The following STIM1 variants were observed in gnomAD, a reference collection of about 807,000 sequenced individuals.
The protein encoded by STIM1 is stromal interaction molecule 1.
In STIM1, 25 loss-of-function variants were observed where a neutral mutation model predicts 74.7. That is an observed-to-expected ratio of 0.33 (90% CI 0.24 to 0.47). STIM1 has a LOEUF of 0.47. Among genes scored for constraint, STIM1 ranks in the 20% least tolerant of loss-of-function variants. The probability of loss-of-function intolerance (pLI) is 1.00; values close to 1 mark genes in which losing one functional copy is unlikely to be tolerated. For synonymous variants in STIM1, 328 were observed against 348.8 expected (o/e 0.94, Z 0.66); for missense variants, 728 against 920.8 (o/e 0.79, Z 2.71).
chr11:4,034,077 A>G (rs2094077742), intron 3 of STIM1, among the ~76,000 whole-genome samples: 1 of 151,450 alleles, frequency 6.6e-6, no homozygotes, highest in Non-Finnish European at 1.5e-5. Context: ...AAAAATACAA[A>G]AATTAGCTGG....
chr11:4,048,808 G>A (rs531916952), intron 3 of STIM1, among the ~76,000 whole-genome samples: 2 of 151,632 alleles, frequency 1.3e-5, no homozygotes, highest in East Asian at 1.9e-4. Flanking sequence ...ATCTCAGCTC[G>A]CTGCAACCTC....
chr11:4,086,704 A>G, intron 12 of STIM1, 161 bp downstream of exon 12: 1 of 1,538,438 alleles, frequency 6.5e-7, no homozygotes, highest in Admixed American at 2.0e-5. Context: ...CACCACCATC[A>G]CCACTACCAC....
chr11:4,001,565 C>G (rs2093717542), intron 2 of STIM1, among the ~76,000 whole-genome samples: 1 of 152,108 alleles, frequency 6.6e-6, no homozygotes, highest in African/African-American at 2.4e-5. Context: ...CAGGTCTGCC[C>G]TAAAAGAGCT....
At chr11:4,002,490 G>T (rs1186125566) in intron 2 of STIM1, among the ~76,000 whole-genome samples, 2 of 151,042 alleles carry the variant, frequency 1.3e-5, no homozygotes, top group Non-Finnish European at 3.0e-5. Context: ...AATGACTACT[G>T]GGTACATAAC....
chr11:3,896,521 C>T lies in STIM1; in HGVS notation c.139+40112C>T, dbSNP rs182516667. The stretch of plus-strand genomic sequence containing the variant: ...TTCTGAAACATCTTGATTGAGCTGC[C>T]GATGCAACACTAGGTAGTGTCACAA... On this transcript the variant is annotated intron_variant, in intron 1 of 12. Transcript: ENST00000526596. 2.0e-4 allele frequency among the ~76,000 whole-genome samples: 31 copies of T among 152,190 alleles called. No individual in the cohort carries two copies. In the East Asian group the frequency reaches 5.2e-3, roughly 26 times the overall value.
intron 1 of STIM1, among the ~76,000 whole-genome samples, chr11:3,890,157 C>T (rs1311665119): frequency 6.6e-6 from 1 of 152,120 alleles, no homozygotes; most frequent in South Asian, 2.1e-4. Context: ...AGATATCTGA[C>T]CTAGGCCATC....
At chr11:3,906,586 C>T (rs2092469031) in intron 1 of STIM1, among the ~76,000 whole-genome samples, 1 of 152,178 alleles carries the variant, frequency 6.6e-6, no homozygotes, top group African/African-American at 2.4e-5. Context: ...TGTCACTTAG[C>T]ACCTACTATT....
intron 3 of STIM1, among the ~76,000 whole-genome samples, chr11:4,048,405 T>C (rs1024101138): frequency 6.6e-6 from 1 of 152,232 alleles, no homozygotes; most frequent in Non-Finnish European, 1.5e-5. Context: ...AAAACAGATT[T>C]ATACTTTAAG....
intron 1 of STIM1, among the ~76,000 whole-genome samples, chr11:3,924,260 G>T (rs1361615043): frequency 6.8e-6 from 1 of 148,034 alleles, no homozygotes; most frequent in East Asian, 2.0e-4. Flanking sequence ...GTGCAGTGGC[G>T]CAATCTCGGC....
At chr11:3,920,716 T>G (rs1019953041) in intron 1 of STIM1, among the ~76,000 whole-genome samples, 1 of 152,126 alleles carries the variant, frequency 6.6e-6, no homozygotes, top group Admixed American at 6.5e-5. Flanking sequence ...CTGGCCAAGA[T>G]AGTGAACCAA....
intron 1 of STIM1, chr11:3,892,611 T>C (rs1415056247): frequency 5.2e-5 from 83 of 1,603,464 alleles, no homozygotes; most frequent in Non-Finnish European, 6.8e-5. Flanking sequence ...CCAGGACCTG[T>C]ATGCTTTAGG....
rs1010771506 is a variant in STIM1 at position 4,082,465 on chromosome 11, C to T, written c.1137+114C>T. 45 of 1,135,482 alleles carry T rather than the reference C, an allele frequency of 4.0e-5. No homozygotes were observed. In the East Asian group the frequency reaches 1.1e-3, roughly 27 times the overall value. The allele number at this position is 1,135,482 out of a possible 1,614,324, so 70.3% of individuals were successfully genotyped here. A position where few individuals can be genotyped will look rare whatever the true frequency, so the allele number is the denominator to read the frequency against. ...TTCCTCCCATTGGGTGAAGAGATAT[C>T]CTGGTGGTGGGTTCTGTTTCTTTCC... is the stretch of plus-strand genomic sequence containing the variant. On this transcript the variant is annotated intron_variant, in intron 8 of 12. Coordinates refer to ENST00000526596, the MANE Select transcript of STIM1 (RefSeq NM_001382567.1).
intron 1 of STIM1, among the ~76,000 whole-genome samples, chr11:3,906,405 A>G (rs1368536294): frequency 6.6e-6 from 1 of 152,222 alleles, no homozygotes; most frequent in Non-Finnish European, 1.5e-5. Context: ...CTGAGCAGCT[A>G]GCATATGCCC....
At chr11:4,008,292 A>ACATCTAG (rs1444860940) in intron 2 of STIM1, among the ~76,000 whole-genome samples, 7 of 152,150 alleles carry the variant, frequency 4.6e-5, no homozygotes, top group African/African-American at 1.7e-4. Context: ...TAGGCTATAC[A>ACATCTAG]CATCTAGCAT....
At chr11:3,916,944 G>A (rs1006288576) in intron 1 of STIM1, among the ~76,000 whole-genome samples, 4 of 152,212 alleles carry the variant, frequency 2.6e-5, no homozygotes, top group Non-Finnish European at 4.4e-5. Flanking sequence ...GTTTGGCAAT[G>A]TTTTAGTGGC....
intron 1 of STIM1, among the ~76,000 whole-genome samples, chr11:3,960,425 T>C (rs1407365165): frequency 6.6e-6 from 1 of 152,220 alleles, no homozygotes; most frequent in Non-Finnish European, 1.5e-5. Context: ...TTAATAATTG[T>C]GGCTATTTTG....
chr11:3,980,495 A>C (rs1343325984), intron 2 of STIM1, among the ~76,000 whole-genome samples: 1 of 151,962 alleles, frequency 6.6e-6, no homozygotes, highest in Non-Finnish European at 1.5e-5. Flanking sequence ...TGTAAAAATC[A>C]AGCCAGGTTT....
intron 11 of STIM1, among the ~76,000 whole-genome samples, chr11:4,085,834 T>C (rs1474571748): frequency 6.6e-6 from 1 of 152,204 alleles, no homozygotes; most frequent in Non-Finnish European, 1.5e-5. Context: ...ATTCCAAAGC[T>C]CAAGGCTAGT....
intron 4 of STIM1, among the ~76,000 whole-genome samples, chr11:4,056,868 A>G (rs891313083): frequency 6.6e-6 from 1 of 152,196 alleles, no homozygotes; most frequent in Non-Finnish European, 1.5e-5. Flanking sequence ...AATATTTTAT[A>G]ATTTATCCAA....
Sources: allele counts gnomAD v4.1 joint callset (sites outside exome capture counted in the v4.1 genomes callset), GRCh38; gene constraint gnomAD v4.1.1; transcripts MANE v1.5; gene names NCBI Gene and HGNC (gene_info 2026-07-23, HGNC 2026-07-21).